DYTN: variants seen among roughly 807,000 people sequenced by gnomAD.
The protein encoded by DYTN is dystrotelin.
DYTN carries 75 observed loss-of-function variants against 69.6 expected under a neutral mutation model. The ratio of observed to expected loss-of-function variants is 1.08; its 90% CI spans 0.89 to 1.31. DYTN has a LOEUF of 1.31. Among genes scored for constraint, DYTN ranks in the 50% most tolerant of loss-of-function variants. DYTN has a pLI of 0.00. For missense variants in DYTN, 726 were observed against 688.4 expected (o/e 1.05, Z -0.61); for synonymous variants, 252 against 249.1 (o/e 1.01, Z -0.11).
intron 11 of DYTN, among the ~76,000 whole-genome samples, chr2:206,652,863 G>A (rs534238528): frequency 6.6e-6 from 1 of 152,184 alleles, no homozygotes; most frequent in South Asian, 2.1e-4. Flanking sequence ...GCATGATGAT[G>A]AATTCATTTT....
intron 6 of DYTN, 69 bp from the exon 7 acceptor site, chr2:206,699,959 T>C: frequency 1.3e-6 from 2 of 1,563,692 alleles, no homozygotes; most frequent in Non-Finnish European, 8.7e-7. Context: ...CTTTTCTGAC[T>C]CTAATTCTGT....
In DYTN at chr2:206,662,976, A is replaced by C; in HGVS notation, c.1560T>G (p.Asp520Glu). Reference sequence around the variant, plus strand: ...CTTGCAGTTCCTCTTCCTCCAGCTCATCCTTTCTCTCCTTGATGTTACCTG... The same window carrying C: ...CTTGCAGTTCCTCTTCCTCCAGCTCCTCCTTTCTCTCCTTGATGTTACCTG... ...KEAGNIKERKDELEEEELQEL... is the reference protein window; with the variant it reads ...KEAGNIKERKEELEEEELQEL... The change falls in exon 11 of 12, where the codon GAT (aspartate) becomes GAG (glutamate). Residue 520 changes from aspartate (D) to glutamate (E), a missense_variant. Physicochemically the swap from Asp to Glu is conservative, Grantham distance 45. Transcript: ENST00000452335. 1 of 1,613,808 alleles carries C rather than the reference A, an allele frequency of 6.2e-7. No individual in the cohort carries two copies. Among genetic ancestry groups the C allele is most frequent in the Non-Finnish European group, 8.5e-7 (1 of 1,179,856 alleles).
At chr2:206,669,244 T>A (rs563768544) in intron 9 of DYTN, among the ~76,000 whole-genome samples, 18 of 152,384 alleles carry the variant, frequency 1.2e-4, no homozygotes, top group African/African-American at 4.3e-4. Flanking sequence ...TTCACACTAC[T>A]TGTGCACATG....
intron 9 of DYTN, among the ~76,000 whole-genome samples, chr2:206,666,260 C>T (rs1699571690): frequency 6.6e-6 from 1 of 152,164 alleles, no homozygotes; most frequent in Non-Finnish European, 1.5e-5. Context: ...AAGTGATTCT[C>T]CTGCCTCAGC....
At chr2:206,705,650 G>T in intron 4 of DYTN, 138 bp downstream of exon 4, 1 of 682,822 alleles carries the variant, frequency 1.5e-6, no homozygotes, top group Non-Finnish European at 2.3e-6. Flanking sequence ...TCCTCAAATA[G>T]TAAATATTTT....
At position 206,693,332 on chromosome 2, in the gene DYTN, AG is replaced by A; in HGVS notation, c.832-10del. On this transcript the variant is annotated splice_polypyrimidine_tract_variant and intron_variant, in intron 8 of 11. Coordinates refer to ENST00000452335, the MANE Select transcript of DYTN (RefSeq NM_001093730.1). ...TTCTGCATTGCTGACATCTGCTGAA[AG>A]GGCCAACATTTTTAAAAAGCGTCAG... is the stretch of plus-strand genomic sequence containing the variant. 6.2e-7 allele frequency: 1 copy of A among 1,609,994 alleles called. No individual in the cohort carries two copies. Among genetic ancestry groups the A allele is most frequent in the South Asian group, 1.1e-5 (1 of 91,060 alleles).
Position 206,700,162 on chromosome 2 carries a change from G to T in DYTN, c.538C>A (p.Arg180Ser), listed in dbSNP as rs200369556. ...RALCPVESAT[R>S]SCFQGVLSPA... ...GCACTCACCCCTTGGAAACAGCTGCGGGTGGCACTTTCCACAGGGCACAGA... is the reference window on the plus strand; with the variant it reads ...GCACTCACCCCTTGGAAACAGCTGCTGGTGGCACTTTCCACAGGGCACAGA... Residue 180 changes from arginine (R) to serine (S), a missense_variant, in exon 6 of 12, where the codon CGC (arginine) becomes AGC (serine). Physicochemically the swap from Arg to Ser is moderately radical, Grantham distance 110. Coordinates refer to ENST00000452335, the MANE Select transcript of DYTN (RefSeq NM_001093730.1). 2.5e-6 allele frequency: 4 copies of T among 1,613,904 alleles called. No individual in the cohort carries two copies. In the Admixed American group the frequency reaches 6.7e-5, roughly 27 times the overall value.
At chr2:206,713,670 G>A (rs1700100939) in intron 1 of DYTN, among the ~76,000 whole-genome samples, 1 of 152,210 alleles carries the variant, frequency 6.6e-6, no homozygotes. Context: ...GAGGAAATCA[G>A]TCACAAACTT....
chr2:206,709,870 C>A (rs1359025650), intron 2 of DYTN, among the ~76,000 whole-genome samples: 1 of 152,014 alleles, frequency 6.6e-6, no homozygotes, highest in Admixed American at 6.5e-5. Context: ...TTATTTTTCA[C>A]CTTGGAAAAT....
At chr2:206,661,442 CT>C (rs1421852948) in intron 11 of DYTN, among the ~76,000 whole-genome samples, 1 of 152,116 alleles carries the variant, frequency 6.6e-6, no homozygotes, top group Non-Finnish European at 1.5e-5. Flanking sequence ...ATAGTTGACC[CT>C]TGAACAATAC....
chr2:206,696,995 A>T (rs1277143744), intron 7 of DYTN, among the ~76,000 whole-genome samples: 1 of 152,240 alleles, frequency 6.6e-6, no homozygotes, highest in Non-Finnish European at 1.5e-5. Flanking sequence ...AAATTTTTAG[A>T]AAACTTTAAA....
At chr2:206,705,032 G>T in intron 4 of DYTN, 89 bp from the exon 5 acceptor site, 2 of 1,056,930 alleles carry the variant, frequency 1.9e-6, no homozygotes, top group Non-Finnish European at 2.8e-6. Context: ...TCTCTTTGTG[G>T]CTATGAAAGG....
rs551795566 is a variant in DYTN at position 206,663,314 on chromosome 2, C to G, written c.1222G>C (p.Val408Leu). ...NKVDHSSTEK[V>L]PKGGDYLQIK... Reference sequence around the variant, plus strand: ...TGCAAATAATCCCCTCCCTTTGGAACCTTTTCAGTTGAAGAATGGTCAACC... The same window carrying G: ...TGCAAATAATCCCCTCCCTTTGGAAGCTTTTCAGTTGAAGAATGGTCAACC... The change falls in exon 11 of 12, where the codon GTT becomes CTT. Residue 408 changes from valine to leucine, a missense_variant. Physicochemically the swap from Val to Leu is conservative, Grantham distance 32. Coordinates refer to ENST00000452335, the MANE Select transcript of DYTN (RefSeq NM_001093730.1). 4 of 1,613,984 alleles carry G rather than the reference C, an allele frequency of 2.5e-6. No homozygotes were observed. The South Asian group carries it at 4.4e-5, about 18-fold the overall frequency.
At chr2:206,711,669 G>A (rs994038846) in intron 1 of DYTN, among the ~76,000 whole-genome samples, 9 of 151,454 alleles carry the variant, frequency 5.9e-5, no homozygotes, top group South Asian at 4.2e-4. Context: ...TGTGCCATGT[G>A]GGTGTGCTGC....
At chr2:206,689,805 C>G (rs559266809) in intron 9 of DYTN, among the ~76,000 whole-genome samples, 1 of 152,186 alleles carries the variant, frequency 6.6e-6, no homozygotes, top group African/African-American at 2.4e-5. Context: ...TCTAAAAGAG[C>G]TCATGGTTCA....
chr2:206,704,696 C>A (rs1700007750), intron 5 of DYTN, 147 bp downstream of exon 5: 1 of 660,672 alleles, frequency 1.5e-6, no homozygotes, highest in South Asian at 2.1e-5. Flanking sequence ...AAGTTATATT[C>A]AAGTAACAGC....
chr2:206,708,566 CTTT>C (rs1445920240), intron 2 of DYTN, among the ~76,000 whole-genome samples: 1 of 152,192 alleles, frequency 6.6e-6, no homozygotes, highest in Non-Finnish European at 1.5e-5. Context: ...GCTGTAAACT[CTTT>C]TATCGTTAAA....
chr2:206,705,831 G>C lies in DYTN; in HGVS notation c.339C>G (p.Ala113=). Residue 113 remains alanine, a synonymous_variant, in exon 4 of 12, where the codon GCC becomes GCG. Coordinates refer to ENST00000452335, the MANE Select transcript of DYTN (RefSeq NM_001093730.1). ...GGCTGTCTCCTGAGAGGGTTATTAG[G>C]GCAGCGGCCGCAGGCATAAGCTGGA... ...GFLQLMPAAA[A]LITLSGDSPL... 1.2e-6 allele frequency: 2 copies of C among 1,613,846 alleles called. No homozygotes were observed. Among genetic ancestry groups the C allele is most frequent in the Non-Finnish European group, 1.7e-6 (2 of 1,179,848 alleles).
intron 3 of DYTN, among the ~76,000 whole-genome samples, chr2:206,706,088 C>T (rs530431922): frequency 6.6e-6 from 1 of 152,120 alleles, no homozygotes; most frequent in Non-Finnish European, 1.5e-5. Context: ...GCATTCACTC[C>T]AAAATATGTA....
Sources: allele counts gnomAD v4.1 joint callset (sites outside exome capture counted in the v4.1 genomes callset), GRCh38; gene constraint gnomAD v4.1.1; transcripts MANE v1.5; gene names NCBI Gene and HGNC (gene_info 2026-07-23, HGNC 2026-07-21).